The following GSE1 variants were observed in gnomAD, a reference collection of about 807,000 sequenced individuals.
GSE1 encodes the protein genetic suppressor element 1.
In GSE1, 32 loss-of-function variants were observed where a neutral mutation model predicts 112.6. That is an observed-to-expected ratio of 0.28 (90% confidence interval 0.21 to 0.38). The LOEUF (loss-of-function observed/expected upper bound fraction) is 0.38. GSE1 is among the 10% of genes least tolerant of loss of function. The pLI, the probability that GSE1 is intolerant of heterozygous loss-of-function variation, is 1.00. For missense variants in GSE1, 2,348 were observed against 1,699.2 expected (o/e 1.38, Z -6.71); for synonymous variants, 1,115 against 735.6 (o/e 1.52, Z -8.35).
rs547178747 is a variant in GSE1 at position 85,485,681 on chromosome 16, C to G, written c.2464+128038C>G. Among the ~76,000 whole-genome samples the G allele has an allele frequency of 1.9e-3, 296 of 152,360 alleles. 1 individual carries two copies. The highest frequency in any genetic ancestry group is 3.2e-3 in the Admixed American group (49 of 15,314). On this transcript the variant is annotated intron_variant, in intron 2 of 2. Coordinates refer to the GSE1 transcript ENST00000637419. ...GCCCGCCGGGCCAGCTTGTCACTCG[C>G]GAGGTGGGCGCCGAGGCGGCCGGCT... is the stretch of plus-strand genomic sequence containing the variant.
At chr16:85,387,853 CGGATGATT>C (rs1171582084) in intron 2 of GSE1, among the ~76,000 whole-genome samples, 2 of 152,090 alleles carry the variant, frequency 1.3e-5, no homozygotes, top group East Asian at 1.9e-4. Context: ...TTTGCATGGA[CGGATGATT>C]GGATGATTGG....
At chr16:85,519,746 G>C (rs113778878) in intron 2 of GSE1, among the ~76,000 whole-genome samples, 4 of 76,458 alleles carry the variant, frequency 5.2e-5, no homozygotes, top group Admixed American at 2.7e-4. Flanking sequence ...ACCACCATCA[G>C]CATCACCATC....
At chr16:85,668,862 G>C (rs1332459387) in intron 14 of GSE1, among the ~76,000 whole-genome samples, 1 of 152,146 alleles carries the variant, frequency 6.6e-6, no homozygotes, top group African/African-American at 2.4e-5. Flanking sequence ...TGGCCGGTGG[G>C]TGCCAGTCAT....
chr16:85,621,410 C>A (rs191610810), intron 1 of GSE1, among the ~76,000 whole-genome samples: 1 of 152,208 alleles, frequency 6.6e-6, no homozygotes, highest in African/African-American at 2.4e-5. Flanking sequence ...GCGCTGAGAT[C>A]GTATCTATTT....
At chr16:85,539,994 G>A (rs888986280) in intron 2 of GSE1, among the ~76,000 whole-genome samples, 4 of 152,164 alleles carry the variant, frequency 2.6e-5, no homozygotes, top group Admixed American at 6.6e-5. Context: ...CTGCAGGCTC[G>A]TCTTTTATTT....
At position 85,565,394 on chromosome 16, in the gene GSE1, C is replaced by CAAAAA. The variant is rs36033236; in HGVS notation, c.37+9038_37+9042dup. Reference sequence around the variant, plus strand: ...TGACAGAGCGAGTGAGACTCTGTCTCAAAAAAAAAAACAAAAAAAAACAAA... The same window carrying CAAAAA: ...TGACAGAGCGAGTGAGACTCTGTCTCAAAAAAAAAAAAAAAACAAAAAAAAACAAA... On this transcript the variant is annotated intron_variant, in intron 1 of 2. Coordinates refer to the GSE1 transcript ENST00000635906. Among the ~76,000 whole-genome samples, 263 of 119,328 alleles carry CAAAAA rather than the reference C, an allele frequency of 2.2e-3. 7 individuals carry two copies. The highest frequency in any genetic ancestry group is 8.7e-3 in the African/African-American group (252 of 28,824). 78.3% of individuals were successfully genotyped at this position (119,328 alleles called of 152,430 possible). A position where few individuals can be genotyped will look rare whatever the true frequency, so the allele number is the denominator to read the frequency against.
intron 1 of GSE1, among the ~76,000 whole-genome samples, chr16:85,265,889 G>T (rs1908186009): frequency 6.6e-6 from 1 of 152,184 alleles, no homozygotes; most frequent in South Asian, 2.1e-4. Context: ...GGCTGGGTGA[G>T]CCTGGGTCTC....
intron 2 of GSE1, among the ~76,000 whole-genome samples, chr16:85,422,666 C>T (rs1263034949): frequency 6.6e-6 from 1 of 151,848 alleles, no homozygotes; most frequent in African/African-American, 2.4e-5. Context: ...GGCATTCTGA[C>T]CTGAAGGAGG....
At chr16:85,618,500 C>A (rs1024739963) in intron 1 of GSE1, among the ~76,000 whole-genome samples, 42 of 152,164 alleles carry the variant, frequency 2.8e-4, no homozygotes, top group African/African-American at 9.2e-4. Flanking sequence ...GCCTGTGTGA[C>A]CTCAGGCACT....
intron 1 of GSE1, among the ~76,000 whole-genome samples, chr16:85,207,529 G>A (rs921115640): frequency 2.7e-5 from 4 of 150,104 alleles, no homozygotes; most frequent in African/African-American, 7.4e-5. Flanking sequence ...GTCATTCAGA[G>A]GCCCCTGCAC....
At chr16:85,667,372 G>A (rs1220774782) in intron 13 of GSE1, among the ~76,000 whole-genome samples, 1 of 152,260 alleles carries the variant, frequency 6.6e-6, no homozygotes, top group Non-Finnish European at 1.5e-5. Context: ...CCCACGGGAG[G>A]CCAGGTGTGC....
chr16:85,326,058 A>T (rs1373780615), intron 1 of GSE1, among the ~76,000 whole-genome samples: 1 of 152,136 alleles, frequency 6.6e-6, no homozygotes, highest in Non-Finnish European at 1.5e-5. Flanking sequence ...AGTCAATTTT[A>T]AAAATACGTT....
At position 85,655,004 on chromosome 16, in the gene GSE1, C is replaced by T. The variant is rs776427762; in HGVS notation, c.797+13C>T. ...ACCCGGCCTTCAGGTGAGGCATCCCCCACGCGCCCTCTCGTCTAGGTGCTG... is the reference window on the plus strand; with the variant it reads ...ACCCGGCCTTCAGGTGAGGCATCCCTCACGCGCCCTCTCGTCTAGGTGCTG... On this transcript the variant is annotated intron_variant, in intron 5 of 15. Transcript: ENST00000253458. 15 of 1,514,898 alleles carry T rather than the reference C, an allele frequency of 9.9e-6. No individual in the cohort carries two copies. The highest frequency in any genetic ancestry group is 1.7e-4 in the Middle Eastern group (1 of 5,894). 93.8% of individuals were successfully genotyped at this position (1,514,898 alleles called of 1,614,324 possible).
intron 1 of GSE1, among the ~76,000 whole-genome samples, chr16:85,248,742 C>G (rs544369909): frequency 3.3e-5 from 5 of 152,346 alleles, no homozygotes; most frequent in East Asian, 1.9e-4. Context: ...CCATCTCCCC[C>G]CATTGATACC....
chr16:85,518,363 C>T (rs879481771), intron 2 of GSE1, among the ~76,000 whole-genome samples: 6 of 152,116 alleles, frequency 3.9e-5, no homozygotes, highest in Admixed American at 2.0e-4. Context: ...GTGCCCTGAC[C>T]GCGTGGCCGG....
chr16:85,301,635 C>T (rs1425937645), intron 1 of GSE1, among the ~76,000 whole-genome samples: 1 of 152,218 alleles, frequency 6.6e-6, no homozygotes, highest in Non-Finnish European at 1.5e-5. Context: ...TTCTAATGGA[C>T]ATCTGTCCCT....
chr16:85,358,763 G>A (rs2047005463), intron 2 of GSE1, among the ~76,000 whole-genome samples: 1 of 152,202 alleles, frequency 6.6e-6, no homozygotes, highest in Non-Finnish European at 1.5e-5. Flanking sequence ...GGCGGTTGAG[G>A]TCAGGGTGGT....
At chr16:85,252,433 A>G (rs1392021479) in intron 1 of GSE1, among the ~76,000 whole-genome samples, 1 of 151,742 alleles carries the variant, frequency 6.6e-6, no homozygotes, top group Non-Finnish European at 1.5e-5. Context: ...AGCCCTAGAC[A>G]CTTTCTGGTT....
chr16:85,458,744 G>A (rs919166238), intron 2 of GSE1, among the ~76,000 whole-genome samples: 1 of 152,202 alleles, frequency 6.6e-6, no homozygotes, highest in Non-Finnish European at 1.5e-5. Flanking sequence ...GCAAGGCTGT[G>A]TCCTCCCCAG....
Sources: gnomAD v4.1 joint callset for allele counts (sites outside exome capture counted in the v4.1 genomes callset) on GRCh38, gnomAD v4.1.1 for gene constraint, MANE v1.5 for transcripts, NCBI Gene and HGNC (gene_info 2026-07-23, HGNC 2026-07-21) for gene names.